The following ONECUT1 variants were observed in gnomAD, a reference collection of about 807,000 sequenced individuals.
ONECUT1 encodes hepatocyte nuclear factor 6.
ONECUT1 carries 12 observed loss-of-function variants against 25.6 expected under a neutral mutation model. The ratio of observed to expected loss-of-function variants is 0.47; its 90% CI spans 0.30 to 0.76. The LOEUF (loss-of-function observed/expected upper bound fraction) is 0.76, where lower values mean the gene tolerates loss of function less well. Among genes scored for constraint, ONECUT1 ranks in the 30% least tolerant of loss-of-function variants. ONECUT1 has a pLI of 0.07. For missense variants in ONECUT1, 620 were observed against 651.2 expected (o/e 0.95, Z 0.52); for synonymous variants, 285 against 270.2 (o/e 1.05, Z -0.54).
chr15:52,788,648 G>A lies in ONECUT1; in HGVS notation c.1105+132C>T, dbSNP rs1204464059. The A allele has an allele frequency of 3.1e-6, 3 of 964,818 alleles. No individual in the cohort carries two copies. The highest frequency in any genetic ancestry group is 4.5e-6 in the Non-Finnish European group (3 of 660,960). 59.8% of individuals were successfully genotyped at this position (964,818 alleles called of 1,614,324 possible). A position where few individuals can be genotyped will look rare whatever the true frequency, so the allele number is the denominator to read the frequency against. On this transcript the variant is annotated intron_variant, in intron 1 of 1. Coordinates refer to ENST00000305901, the MANE Select transcript of ONECUT1 (RefSeq NM_004498.4). This position sits in a 1 kb window ranked among gnomAD's most constrained non-coding sequence, Gnocchi z 4.3. ...CCTGTGCTGGCCCTTCCAGGCACAG[G>A]GAGTCCCCCTTCTAGGGGTAGGGGC... is the stretch of plus-strand genomic sequence containing the variant.
chr15:52,775,133 T>C (rs1180536856), intron 1 of ONECUT1, among the ~76,000 whole-genome samples: 5 of 149,760 alleles, frequency 3.3e-5, no homozygotes, highest in African/African-American at 1.2e-4. Flanking sequence ...GAGGTTGTAG[T>C]GAGCTGAGAT....
At chr15:52,783,342 C>T (rs2083852897) in intron 1 of ONECUT1, among the ~76,000 whole-genome samples, 1 of 152,240 alleles carries the variant, frequency 6.6e-6, no homozygotes, top group African/African-American at 2.4e-5. Flanking sequence ...TTTTCGATTA[C>T]CTCAGTGTGC....
At chr15:52,761,256 C>T (rs1467297119) in intron 1 of ONECUT1, among the ~76,000 whole-genome samples, 6 of 152,196 alleles carry the variant, frequency 3.9e-5, no homozygotes, top group Non-Finnish European at 8.8e-5. Context: ...TCCAGTCTTA[C>T]TTCCTTCACC....
intron 1 of ONECUT1, among the ~76,000 whole-genome samples, chr15:52,781,540 A>C (rs541389416): frequency 1.3e-5 from 2 of 152,172 alleles, no homozygotes; most frequent in African/African-American, 4.8e-5. Flanking sequence ...GGAGGATAAA[A>C]TGTTCTGGGC....
At chr15:52,767,100 C>T (rs2141450255) in intron 1 of ONECUT1, among the ~76,000 whole-genome samples, 1 of 152,150 alleles carries the variant, frequency 6.6e-6, no homozygotes, top group South Asian at 2.1e-4. Flanking sequence ...GACGAATGAG[C>T]AGCCTGAATC....
intron 1 of ONECUT1, among the ~76,000 whole-genome samples, chr15:52,766,119 G>A (rs555244095): frequency 2.0e-5 from 3 of 152,134 alleles, no homozygotes; most frequent in African/African-American, 7.2e-5. Context: ...TTCCCAGTGG[G>A]GAATAATCAC....
At chr15:52,763,806 A>C (rs985787076) in intron 1 of ONECUT1, among the ~76,000 whole-genome samples, 121 of 152,348 alleles carry the variant, frequency 7.9e-4, no homozygotes, top group African/African-American at 2.8e-3. Flanking sequence ...AGGTCAGTAA[A>C]AAATATTGAG....
At chr15:52,782,678 C>T (rs1275226603) in intron 1 of ONECUT1, among the ~76,000 whole-genome samples, 1 of 152,202 alleles carries the variant, frequency 6.6e-6, no homozygotes, top group African/African-American at 2.4e-5. Flanking sequence ...GTAACACCTT[C>T]CTTCTGTTGC....
chr15:52,760,816 G>T (rs1234642033), intron 1 of ONECUT1, among the ~76,000 whole-genome samples: 1 of 152,006 alleles, frequency 6.6e-6, no homozygotes, highest in African/African-American at 2.4e-5. Flanking sequence ...ATTACATTTG[G>T]GCTTAGAAAA....
At chr15:52,767,470 C>T (rs550520929) in intron 1 of ONECUT1, among the ~76,000 whole-genome samples, 61 of 152,160 alleles carry the variant, frequency 4.0e-4, no homozygotes, top group Admixed American at 7.9e-4. Flanking sequence ...ATCGTCCTCT[C>T]GCTGGTCATT....
At position 52,775,452 on chromosome 15, in the gene ONECUT1, A is replaced by AACACACAC. The variant is rs139797470; in HGVS notation, c.1105+13320_1105+13327dup. Among the ~76,000 whole-genome samples the AACACACAC allele has an allele frequency of 7.7e-3, 1,090 of 140,998 alleles. 5 individuals are homozygous for AACACACAC. Among genetic ancestry groups the AACACACAC allele is most frequent in the African/African-American group, 0.016 (614 of 38,126 alleles). The allele number at this position is 140,998 out of a possible 152,430, so 92.5% of individuals were successfully genotyped here. A position where few individuals can be genotyped will look rare whatever the true frequency, so the allele number is the denominator to read the frequency against. On this transcript the variant is annotated intron_variant, in intron 1 of 1. Transcript: ENST00000305901. ...AGGCCCTTGATTATTTTTAAAGAGGAACACACACACACACACACACACACA... is the reference window on the plus strand; with the variant it reads ...AGGCCCTTGATTATTTTTAAAGAGGAACACACACACACACACACACACACACACACACA...
chr15:52,780,679 G>A, intron 1 of ONECUT1: 1 of 1,533,544 alleles, frequency 6.5e-7, no homozygotes, highest in Non-Finnish European at 8.7e-7. Context: ...AGAATCTGCA[G>A]CGAGCACAGA....
Position 52,788,959 on chromosome 15 carries a change from C to T in ONECUT1, c.926G>A (p.Ser309Asn), listed in dbSNP as rs1390509365. 1 of 1,613,448 alleles carries T rather than the reference C, an allele frequency of 6.2e-7. No homozygotes were observed. Among genetic ancestry groups the T allele is most frequent in the African/African-American group, 1.3e-5 (1 of 74,934 alleles). ...QRITTELKRY[S>N]IPQAIFAQRV... is the part of the protein sequence containing the mutation. ...CTGCGCGAAGATGGCCTGTGGGATG[C>T]TGTAGCGCTTGAGCTCGGTGGTGAT... Residue 309 changes from serine to asparagine, a missense_variant, in exon 1 of 2, where the codon AGC becomes AAC. Ser to Asn is a conservative substitution (Grantham distance 46). Coordinates refer to ENST00000305901, the MANE Select transcript of ONECUT1 (RefSeq NM_004498.4). This position sits in a 1 kb window ranked among gnomAD's most constrained non-coding sequence, Gnocchi z 4.3.
Position 52,755,721 on chromosome 15 carries a change from A to G in ONECUT1, c.*1834T>C, listed in dbSNP as rs1056551890. On this transcript the variant is annotated 3_prime_UTR_variant, in exon 2 of 2. Transcript: ENST00000305901. ...CAACTTATCATTAGGATAACATTTAATTTCATAGTTCTAAGTAGGGGTGGT... is the reference window on the plus strand; with the variant it reads ...CAACTTATCATTAGGATAACATTTAGTTTCATAGTTCTAAGTAGGGGTGGT... Among the ~76,000 whole-genome samples the G allele has an allele frequency of 5.3e-5, 8 of 152,180 alleles. No individual in the cohort carries two copies. The highest frequency in any genetic ancestry group is 1.2e-4 in the Non-Finnish European group (8 of 68,030).
In ONECUT1 at chr15:52,777,731, C is replaced by CAAAAA. The variant is rs1370694948; in HGVS notation, c.1105+11048_1105+11049insTTTTT. Among the ~76,000 whole-genome samples the CAAAAA allele has an allele frequency of 3.0e-3, 251 of 84,198 alleles. 12 individuals are homozygous for CAAAAA. In the East Asian group the frequency reaches 0.077, roughly 26 times the overall value. The allele number at this position is 84,198 out of a possible 152,430, so 55.2% of individuals were successfully genotyped here. ...ACACACACACACACACACACACACA[C>CAAAAA]ACACACAAAAAAACATGTAAAGTTA... On this transcript the variant is annotated intron_variant, in intron 1 of 1. Coordinates refer to ENST00000305901, the MANE Select transcript of ONECUT1 (RefSeq NM_004498.4).
In ONECUT1 at chr15:52,789,334, C is replaced by T. The variant is rs1322030871; in HGVS notation, c.551G>A (p.Ser184Asn). ...GTTGTGGATGCTGCCCAGACCGGAGCTGGAGAGGGGCGAGAGGCTCTGGCC... is the reference window on the plus strand; with the variant it reads ...GTTGTGGATGCTGCCCAGACCGGAGTTGGAGAGGGGCGAGAGGCTCTGGCC... The part of the protein sequence containing the change: ...GMGQSLSPLS[S>N]SGLGSIHNSQ... The change falls in exon 1 of 2, where the codon AGC becomes AAC. Residue 184 changes from serine (S) to asparagine (N), a missense_variant. By Grantham distance (46) the Ser-to-Asn change is conservative (BLOSUM62 1). Transcript: ENST00000305901. This position sits in a 1 kb window ranked among gnomAD's most constrained non-coding sequence, Gnocchi z 4.1. 2.5e-6 allele frequency: 4 copies of T among 1,589,528 alleles called. No homozygotes were observed. Among genetic ancestry groups the T allele is most frequent in the Non-Finnish European group, 3.4e-6 (4 of 1,165,836 alleles).
intron 1 of ONECUT1, among the ~76,000 whole-genome samples, chr15:52,779,567 C>G (rs1274299948): frequency 6.6e-6 from 1 of 152,194 alleles, no homozygotes; most frequent in East Asian, 1.9e-4. Flanking sequence ...GATAAACAGT[C>G]CCCAATTATC....
chr15:52,785,936 G>A (rs1262209208), intron 1 of ONECUT1: 1 of 152,252 alleles, frequency 6.6e-6, no homozygotes, highest in Non-Finnish European at 1.5e-5. Context: ...GCAACTGGAG[G>A]ACAGAGGGGC....
intron 1 of ONECUT1, among the ~76,000 whole-genome samples, chr15:52,772,270 T>G (rs1457129039): frequency 6.6e-6 from 1 of 152,080 alleles, no homozygotes; most frequent in Non-Finnish European, 1.5e-5. Flanking sequence ...GGCACACACC[T>G]GTAGTCCCAG....
Sources: gnomAD v4.1 joint callset for allele counts (sites outside exome capture counted in the v4.1 genomes callset) on GRCh38, gnomAD v4.1.1 for gene constraint, Gnocchi (gnomAD v3.1) non-coding constraint, MANE v1.5 for transcripts, NCBI Gene and HGNC (gene_info 2026-07-23, HGNC 2026-07-21) for gene names.